Variants in SREBF1 observed in about 807,000 individuals in gnomAD.
The protein encoded by SREBF1 is sterol regulatory element binding transcription factor 1.
Under a neutral mutation model 100.1 loss-of-function variants are expected in SREBF1, and 45 were observed. That is an observed-to-expected ratio of 0.45 (90% CI 0.35 to 0.58). The LOEUF (loss-of-function observed/expected upper bound fraction) is 0.58. SREBF1 is among the 20% of genes least tolerant of loss of function. The probability of loss-of-function intolerance (pLI) is 0.00; values close to 1 mark genes in which losing one functional copy is unlikely to be tolerated. For synonymous variants in SREBF1, 657 were observed against 681.8 expected (o/e 0.96, Z 0.57); for missense variants, 1,324 against 1,539.4 (o/e 0.86, Z 2.34).
Position 17,817,719 on chromosome 17 carries a change from T to A in SREBF1, c.1381A>T (p.Ser461Cys). 1 of 1,613,326 alleles carries A rather than the reference T, an allele frequency of 6.2e-7. No homozygotes were observed. The highest frequency in any genetic ancestry group is 1.7e-5 in the Admixed American group (1 of 60,018). ...ACCTTGCTGTCCTCAAAGACTGGGC[T>A]GTCAGGCTCCGAGTCACTGCCACTG... Reference protein sequence around the residue: ...GGSGSDSEPDSPVFEDSKAKP... With the variant: ...GGSGSDSEPDCPVFEDSKAKP... Residue 461 changes from serine (S) to cysteine (C), a missense_variant, in exon 7 of 19, where the codon AGC becomes TGC. Physicochemically the swap from Ser to Cys is moderately radical, Grantham distance 112. Transcript: ENST00000261646. This position sits in a 1 kb window ranked among gnomAD's most constrained non-coding sequence, Gnocchi z 6.6.
At chr17:17,823,433 A>C in intron 1 of SREBF1, 2 of 958,994 alleles carry the variant, frequency 2.1e-6, no homozygotes, top group Non-Finnish European at 3.4e-6. Context: ...CAAGTTGCGT[A>C]GCCCGCATGC....
chr17:17,822,206 A>T (rs1035155735), intron 1 of SREBF1, among the ~76,000 whole-genome samples: 17 of 152,182 alleles, frequency 1.1e-4, no homozygotes, highest in African/African-American at 3.9e-4. Context: ...AAAATCCCAA[A>T]TCTATTGTCT....
chr17:17,813,624 C>T lies in SREBF1; in HGVS notation c.3047G>A (p.Arg1016Gln), dbSNP rs772174935. The T allele has an allele frequency of 4.4e-6, 7 of 1,584,418 alleles. No homozygotes were observed. The highest frequency in any genetic ancestry group is 6.0e-6 in the Non-Finnish European group (7 of 1,171,636). The change falls in exon 17 of 19, where the codon CGG becomes CAG. Residue 1016 changes from arginine to glutamine, a missense_variant. Physicochemically the swap from Arg to Gln is conservative, Grantham distance 43. Transcript: ENST00000261646. Reference sequence around the variant, plus strand: ...CAGCCGCCTCAGGCTGCTCAGGTCCCGTTGGAAGCCACGCAGCTCAAGGGC... The same window carrying T: ...CAGCCGCCTCAGGCTGCTCAGGTCCTGTTGGAAGCCACGCAGCTCAAGGGC... The part of the protein sequence containing the change: ...ASALELRGFQ[R>Q]DLSSLRRLAQ...
At position 17,816,203 on chromosome 17, in the gene SREBF1, T is replaced by TGCCACCCCCCAGCCC; in HGVS notation, c.2214+3_2214+4insGGGCTGGGGGGTGGC. The TGCCACCCCCCAGCCC allele has an allele frequency of 1.5e-6, 1 of 666,488 alleles. No homozygotes were observed. Among genetic ancestry groups the TGCCACCCCCCAGCCC allele is most frequent in the South Asian group, 2.5e-5 (1 of 40,240 alleles). 41.3% of individuals were successfully genotyped at this position (666,488 alleles called of 1,614,324 possible). A position where few individuals can be genotyped will look rare whatever the true frequency, so the allele number is the denominator to read the frequency against. The stretch of plus-strand genomic sequence containing the variant: ...ATAAGCCCCCAGCCCCCCAACCCAC[T>TGCCACCCCCCAGCCC]CACTGTCAGAAAATGCAAGGCCCGT... On this transcript the variant is annotated splice_donor_region_variant and intron_variant, in intron 11 of 18. Coordinates refer to ENST00000261646, the MANE Select transcript of SREBF1 (RefSeq NM_004176.5).
At chr17:17,829,988 C>T (rs1433811516) in intron 1 of SREBF1, among the ~76,000 whole-genome samples, 1 of 152,108 alleles carries the variant, frequency 6.6e-6, no homozygotes, top group South Asian at 2.1e-4. Flanking sequence ...TTCCCCATGG[C>T]GGGGGGTGCT....
At chr17:17,823,534 C>CA (rs1382587340) in intron 1 of SREBF1, 1 of 1,613,494 alleles carries the variant, frequency 6.2e-7, no homozygotes, top group Non-Finnish European at 8.5e-7. Context: ...AAGTGCAATC[C>CA]ATGGCTCCGC....
At chr17:17,819,279 G>T (rs778337895) in intron 4 of SREBF1, 41 bp downstream of exon 4, 2 of 1,613,580 alleles carry the variant, frequency 1.2e-6, no homozygotes, top group South Asian at 2.2e-5. Context: ...GTGTGTGTGT[G>T]TGTAGACCCC....
In SREBF1 at chr17:17,814,313, A is replaced by C; in HGVS notation, c.2833T>G (p.Cys945Gly). 2 of 1,598,164 alleles carry C rather than the reference A, an allele frequency of 1.3e-6. No individual in the cohort carries two copies. The highest frequency in any genetic ancestry group is 1.7e-6 in the Non-Finnish European group (2 of 1,172,988). ...AESGPASLTI[C>G]EKASGYLQDS... The stretch of plus-strand genomic sequence containing the variant: ...TGCAGGTACCCACTGGCCTTCTCAC[A>C]GATGGTCAGGCTGGCTGGACCAGAC... The change falls in exon 16 of 19, where the codon TGT becomes GGT. Residue 945 changes from cysteine (C) to glycine (G), a missense_variant. By Grantham distance (159) the Cys-to-Gly change is radical. Transcript: ENST00000261646.
intron 1 of SREBF1, among the ~76,000 whole-genome samples, chr17:17,828,112 T>G (rs1264832213): frequency 6.6e-6 from 1 of 152,124 alleles, no homozygotes; most frequent in East Asian, 1.9e-4. Flanking sequence ...CCGTGCAGAC[T>G]CCAGCCATGG....
intron 2 of SREBF1, 128 bp downstream of exon 2, chr17:17,819,962 A>G: frequency 8.3e-7 from 1 of 1,208,836 alleles, no homozygotes; most frequent in Non-Finnish European, 1.1e-6. Flanking sequence ...AGGGCATCTC[A>G]AGCAGCCGAG....
At chr17:17,816,857 G>T in intron 9 of SREBF1, 101 bp downstream of exon 9, 1 of 1,593,952 alleles carries the variant, frequency 6.3e-7, no homozygotes, top group South Asian at 1.1e-5. Flanking sequence ...GGACGGGACA[G>T]ATTCATGGTG....
chr17:17,830,703 TCC>T (rs1471798150), intron 1 of SREBF1, among the ~76,000 whole-genome samples: 1 of 152,110 alleles, frequency 6.6e-6, no homozygotes, highest in African/African-American at 2.4e-5. Context: ...CCCAGCCCCG[TCC>T]CACCTCCCAC....
At chr17:17,833,681 G>T (rs549047292) in intron 1 of SREBF1, among the ~76,000 whole-genome samples, 1 of 151,610 alleles carries the variant, frequency 6.6e-6, no homozygotes, top group African/African-American at 2.4e-5. Flanking sequence ...CAATAAAGTC[G>T]TTTTTAAAAA....
chr17:17,825,143 T>C (rs2034402693), intron 1 of SREBF1, among the ~76,000 whole-genome samples: 1 of 152,202 alleles, frequency 6.6e-6, no homozygotes, highest in Admixed American at 6.5e-5. Context: ...CCCCAGTTTC[T>C]GAGCCTAGAA....
At chr17:17,825,163 ACCAACAAGCAGATACTAG>A (rs2143021597) in intron 1 of SREBF1, among the ~76,000 whole-genome samples, 1 of 152,290 alleles carries the variant, frequency 6.6e-6, no homozygotes, top group South Asian at 2.1e-4. Flanking sequence ...ATGTGGTGAG[ACCAACAAGCAGATACTAG>A]CCTGAGACAG....
chr17:17,823,820 C>T lies in SREBF1; in HGVS notation c.92-3299G>A, dbSNP rs376044798. 1.7e-3 allele frequency among the ~76,000 whole-genome samples: 258 copies of T among 151,900 alleles called. 8 individuals are homozygous for T. In the South Asian group the frequency reaches 0.05, roughly 30 times the overall value. ...TAGGGCCCGGCCCCGGCCCCCGCCC[C>T]ACCTCCCCACGGCGGCGGGGGCTCG... On this transcript the variant is annotated intron_variant, in intron 1 of 18. Coordinates refer to ENST00000261646, the MANE Select transcript of SREBF1 (RefSeq NM_004176.5).
chr17:17,818,030 C>T (rs768911351), intron 6 of SREBF1, 114 bp from the exon 7 acceptor site: 231 of 1,189,558 alleles, frequency 1.9e-4, no homozygotes, highest in Non-Finnish European at 2.4e-4. Flanking sequence ...TAGCCCAGGA[C>T]GCTTTGATGG....
intron 1 of SREBF1, among the ~76,000 whole-genome samples, chr17:17,829,495 T>TC (rs1475892309): frequency 6.6e-6 from 1 of 152,062 alleles, no homozygotes; most frequent in East Asian, 1.9e-4. Flanking sequence ...CTTTGCTTAG[T>TC]CCCAAGGCTG....
chr17:17,827,628 C>T (rs759372927), intron 1 of SREBF1, among the ~76,000 whole-genome samples: 16 of 152,154 alleles, frequency 1.1e-4, no homozygotes, highest in South Asian at 4.1e-4. Flanking sequence ...CGGAATGGGA[C>T]GCACCCATGG....
Sources: allele counts gnomAD v4.1 joint callset (sites outside exome capture counted in the v4.1 genomes callset), GRCh38; gene constraint gnomAD v4.1.1; non-coding constraint Gnocchi (gnomAD v3.1); transcripts MANE v1.5; gene names NCBI Gene and HGNC (gene_info 2026-07-23, HGNC 2026-07-21).